The following SPTSSA variants were observed in gnomAD, a reference collection of about 807,000 sequenced individuals.
SPTSSA encodes small subunit of serine palmitoyltransferase A.
In SPTSSA, 8 loss-of-function variants were observed where a neutral mutation model predicts 9.1. The ratio of observed to expected loss-of-function variants is 0.88; its 90% CI spans 0.51 to 1.58. The LOEUF (loss-of-function observed/expected upper bound fraction) is 1.58, where lower values mean the gene tolerates loss of function less well. Ranked by LOEUF, SPTSSA falls within the 40% of genes most tolerant of loss-of-function variation. The probability of loss-of-function intolerance (pLI) is 0.00; values close to 1 mark genes in which losing one functional copy is unlikely to be tolerated. For missense variants in SPTSSA, 100 were observed against 93.8 expected (o/e 1.07, Z -0.27); for synonymous variants, 42 against 37.7 (o/e 1.11, Z -0.41).
intron 1 of SPTSSA, among the ~76,000 whole-genome samples, chr14:34,442,247 G>A (rs1420946679): frequency 3.3e-5 from 5 of 152,154 alleles, no homozygotes; most frequent in Non-Finnish European, 5.9e-5. Flanking sequence ...TACATGTGGC[G>A]CAGCTTGGAG....
chr14:34,460,477 C>T (rs1878594475), intron 1 of SPTSSA, among the ~76,000 whole-genome samples: 2 of 152,034 alleles, frequency 1.3e-5, no homozygotes, highest in South Asian at 4.2e-4. Context: ...AAGGCATCAC[C>T]TAGTTATTTA....
At chr14:34,449,288 G>A (rs1049656134) in intron 1 of SPTSSA, among the ~76,000 whole-genome samples, 4 of 152,022 alleles carry the variant, frequency 2.6e-5, no homozygotes, top group Non-Finnish European at 4.4e-5. Context: ...CCAGATACTC[G>A]GGAGGATGAA....
intron 1 of SPTSSA, 95 bp downstream of exon 1, chr14:34,462,001 T>C: frequency 1.2e-6 from 1 of 826,142 alleles, no homozygotes; most frequent in Non-Finnish European, 1.5e-6. Context: ...GGGCCGCCGC[T>C]CCAGCCTCCA....
chr14:34,456,182 C>T (rs915819822), intron 1 of SPTSSA, among the ~76,000 whole-genome samples: 1 of 151,902 alleles, frequency 6.6e-6, no homozygotes, highest in Non-Finnish European at 1.5e-5. Context: ...ATTAGCCAGG[C>T]GTGGTGGTGG....
At chr14:34,456,948 AATT>A (rs201859323) in intron 1 of SPTSSA, among the ~76,000 whole-genome samples, 62 of 146,182 alleles carry the variant, frequency 4.2e-4, no homozygotes, top group Non-Finnish European at 5.1e-4. Context: ...TTCTGATTCA[AATT>A]ATTATTATTA....
chr14:34,447,820 T>C (rs1241781888), intron 1 of SPTSSA, among the ~76,000 whole-genome samples: 1 of 152,226 alleles, frequency 6.6e-6, no homozygotes, highest in African/African-American at 2.4e-5. Flanking sequence ...TCTGACAGCA[T>C]AGGTATCCAC....
At chr14:34,461,481 C>A (rs577249169) in intron 1 of SPTSSA, among the ~76,000 whole-genome samples, 1 of 152,334 alleles carries the variant, frequency 6.6e-6, no homozygotes, top group South Asian at 2.1e-4. Flanking sequence ...CACCACTTTT[C>A]GGGCCGACTT....
chr14:34,448,412 C>T (rs1417988616), intron 1 of SPTSSA, among the ~76,000 whole-genome samples: 1 of 152,136 alleles, frequency 6.6e-6, no homozygotes, highest in Non-Finnish European at 1.5e-5. Context: ...GGGATCACAT[C>T]TCAAAGTGGG....
intron 1 of SPTSSA, 146 bp from the exon 2 acceptor site, chr14:34,435,450 A>C: frequency 7.4e-6 from 4 of 538,120 alleles, no homozygotes; most frequent in East Asian, 3.1e-5. Context: ...AACAACAAGA[A>C]TGATAATACT....
intron 1 of SPTSSA, among the ~76,000 whole-genome samples, chr14:34,459,597 A>G (rs1347757529): frequency 2.0e-5 from 3 of 151,888 alleles, no homozygotes; most frequent in African/African-American, 7.3e-5. Context: ...CCTGGCCAAC[A>G]TGGCGAAACC....
intron 1 of SPTSSA, among the ~76,000 whole-genome samples, chr14:34,449,485 C>A: frequency 6.6e-6 from 1 of 151,068 alleles, no homozygotes; most frequent in Non-Finnish European, 1.5e-5. Context: ...CAGGCGTGAG[C>A]CACTGCACCC....
In SPTSSA at chr14:34,445,549, G is replaced by A. The variant is rs2138824332; in HGVS notation, c.113-10245C>T. On this transcript the variant is annotated intron_variant, in intron 1 of 1. Coordinates refer to ENST00000298130, the MANE Select transcript of SPTSSA (RefSeq NM_138288.4). Reference sequence around the variant, plus strand: ...AATAAAATTTCTGAGTCATCATTTTGGCAAAACGTATAATATATGGTAATC... The same window carrying A: ...AATAAAATTTCTGAGTCATCATTTTAGCAAAACGTATAATATATGGTAATC... Among the ~76,000 whole-genome samples, 2 of 152,154 alleles carry A rather than the reference G, an allele frequency of 1.3e-5. 1 individual carries two copies. Among genetic ancestry groups the A allele is most frequent in the South Asian group, 4.2e-4 (2 of 4,812 alleles).
chr14:34,445,815 G>A (rs1043878599), intron 1 of SPTSSA, among the ~76,000 whole-genome samples: 3 of 152,054 alleles, frequency 2.0e-5, no homozygotes, highest in Admixed American at 6.6e-5. Flanking sequence ...CTAAGTATAC[G>A]CTATCAACTA....
At chr14:34,460,422 A>T (rs925073119) in intron 1 of SPTSSA, among the ~76,000 whole-genome samples, 18 of 152,170 alleles carry the variant, frequency 1.2e-4, no homozygotes, top group Non-Finnish European at 2.1e-4. Flanking sequence ...ATATCTACTA[A>T]GGCACTATAT....
In SPTSSA at chr14:34,433,495, T is replaced by C. The variant is rs751930099; in HGVS notation, c.*1706A>G. ...AGATAATATGACTACAGCTCAGATA[T>C]AACCATATCCAATTTTTAACTACTT... On this transcript the variant is annotated 3_prime_UTR_variant, in exon 2 of 2. Transcript: ENST00000298130. The C allele has an allele frequency of 1.3e-5, 2 of 152,142 alleles. No individual in the cohort carries two copies. The highest frequency in any genetic ancestry group is 2.9e-5 in the Non-Finnish European group (2 of 68,024). The allele number at this position is 152,142 out of a possible 1,614,324, so 9.4% of individuals were successfully genotyped here.
intron 1 of SPTSSA, among the ~76,000 whole-genome samples, chr14:34,458,771 C>A (rs1018822485): frequency 2.7e-5 from 4 of 150,544 alleles, no homozygotes; most frequent in Admixed American, 6.7e-5. Context: ...TTTACAACAG[C>A]TTTTAACTAA....
rs775781106 is a variant in SPTSSA at position 34,443,171 on chromosome 14, G to GTGTT, written c.113-7868_113-7867insAACA. Among the ~76,000 whole-genome samples the GTGTT allele has an allele frequency of 1.2e-3, 72 of 62,120 alleles. 11 individuals carry two copies. The highest frequency in any genetic ancestry group is 4.1e-3 in the African/African-American group (26 of 6,382). 40.8% of individuals were successfully genotyped at this position (62,120 alleles called of 152,430 possible). A position where few individuals can be genotyped will look rare whatever the true frequency, so the allele number is the denominator to read the frequency against. On this transcript the variant is annotated intron_variant, in intron 1 of 1. Transcript: ENST00000298130. The stretch of plus-strand genomic sequence containing the variant: ...TGTGTGTGTGTGTGTGTGTGTGTGT[G>GTGTT]TTTTGAGATTGAGTTTTCCTCTAGG...
At chr14:34,450,538 C>T (rs1234276460) in intron 1 of SPTSSA, among the ~76,000 whole-genome samples, 1 of 152,128 alleles carries the variant, frequency 6.6e-6, no homozygotes, top group Non-Finnish European at 1.5e-5. Flanking sequence ...TGCATAAGTG[C>T]CAGTAGCTGT....
At chr14:34,445,702 C>T (rs115747663) in intron 1 of SPTSSA, among the ~76,000 whole-genome samples, 1,684 of 152,204 alleles carry the variant, frequency 0.011, 34 homozygotes, top group African/African-American at 0.038. Flanking sequence ...TGTTTACATA[C>T]ACGGGATTGC....
Sources: gnomAD v4.1 joint callset for allele counts (sites outside exome capture counted in the v4.1 genomes callset) on GRCh38, gnomAD v4.1.1 for gene constraint, MANE v1.5 for transcripts, NCBI Gene and HGNC (gene_info 2026-07-23, HGNC 2026-07-21) for gene names.